CES5A: variants seen among roughly 807,000 people sequenced by gnomAD.
CES5A encodes the protein carboxylesterase 5.
Under a neutral mutation model 62.9 loss-of-function variants are expected in CES5A, and 67 were observed. The ratio of observed to expected loss-of-function variants is 1.07; its 90% confidence interval spans 0.88 to 1.31. The LOEUF (loss-of-function observed/expected upper bound fraction) is 1.31. CES5A is among the 50% of genes most tolerant of loss of function. The pLI is 0.00. For missense variants in CES5A, 748 were observed against 708.5 expected, an observed-to-expected ratio of 1.06 and a Z score of -0.63; for synonymous variants, 296 against 280.8, an observed-to-expected ratio of 1.05 and a Z score of -0.54.
chr16:55,897,800 A>C (rs1036957777), intron 1 of CES5A, among the ~76,000 whole-genome samples: 2 of 152,234 alleles, frequency 1.3e-5, no homozygotes, highest in Non-Finnish European at 2.9e-5. Context: ...ACTGGAGCCA[A>C]CTCAAATATC....
chr16:55,900,015 G>C (rs1448658154), intron 1 of CES5A, among the ~76,000 whole-genome samples: 2 of 152,258 alleles, frequency 1.3e-5, no homozygotes, highest in Admixed American at 1.3e-4. Context: ...ACAGATGGCA[G>C]CCACGTGGCC....
intron 1 of CES5A, chr16:55,925,251 T>C (rs776618307): frequency 1.3e-5 from 2 of 151,904 alleles, no homozygotes; most frequent in African/African-American, 2.4e-5. Flanking sequence ...AACAAGTATA[T>C]GAAAAACAAT....
chr16:55,856,500 A>G, intron 8 of CES5A, 55 bp from the exon 9 acceptor site: 5 of 1,547,456 alleles, frequency 3.2e-6, no homozygotes, highest in Non-Finnish European at 4.5e-6. Flanking sequence ...AGGTAAACCC[A>G]TCTCCCCAAG....
intron 9 of CES5A, among the ~76,000 whole-genome samples, chr16:55,855,487 G>C (rs1256504564): frequency 6.6e-6 from 1 of 152,182 alleles, no homozygotes. Flanking sequence ...CCTGATGCCT[G>C]GCTGGTGTGT....
rs373618678 is a variant in CES5A at position 55,866,122 on chromosome 16, G to C, written c.552-6C>G. On this transcript the variant is annotated splice_polypyrimidine_tract_variant and splice_region_variant and intron_variant, in intron 4 of 12. Coordinates refer to ENST00000290567, the MANE Select transcript of CES5A (RefSeq NM_001143685.2). ...GAGCATGCTGATCCCATGTGCTGAG[G>C]ACAAGAGGCAGGGTGAGAATTCTTG... 6.2e-7 allele frequency: 1 copy of C among 1,605,394 alleles called. No individual in the cohort carries two copies. The highest frequency in any genetic ancestry group is 1.7e-5 in the Admixed American group (1 of 58,972).
chr16:55,937,884 C>A (rs1178940868), intron 2 of CES5A, among the ~76,000 whole-genome samples: 1 of 152,172 alleles, frequency 6.6e-6, no homozygotes, highest in Non-Finnish European at 1.5e-5. Context: ...TCTTGACAAC[C>A]ATGCCAGGCA....
intron 1 of CES5A, among the ~76,000 whole-genome samples, chr16:55,885,890 G>T (rs976595342): frequency 6.6e-6 from 1 of 152,218 alleles, no homozygotes; most frequent in Admixed American, 6.5e-5. Context: ...CCAGCAACAA[G>T]ATGAGGCAAG....
chr16:55,898,054 G>T (rs1376400161), intron 1 of CES5A, among the ~76,000 whole-genome samples: 1 of 152,220 alleles, frequency 6.6e-6, no homozygotes, highest in Non-Finnish European at 1.5e-5. Context: ...TCAGAATAGT[G>T]CTTGCCCTGG....
intron 5 of CES5A, among the ~76,000 whole-genome samples, chr16:55,865,067 A>C (rs1159273085): frequency 6.6e-6 from 1 of 152,152 alleles, no homozygotes; most frequent in Non-Finnish European, 1.5e-5. Flanking sequence ...TTAGCTGGGC[A>C]TGGTGGCACA....
chr16:55,903,056 G>A (rs1050295004), intron 1 of CES5A, among the ~76,000 whole-genome samples: 10 of 152,082 alleles, frequency 6.6e-5, no homozygotes, highest in African/African-American at 4.8e-5. Context: ...CCTCTACTAG[G>A]CATCAGTCTG....
intron 1 of CES5A, among the ~76,000 whole-genome samples, chr16:55,915,920 A>C (rs942934147): frequency 5.9e-5 from 9 of 152,210 alleles, no homozygotes; most frequent in African/African-American, 2.4e-5. Flanking sequence ...TAACATCACT[A>C]TCCAATGGGT....
At chr16:55,926,281 A>G (rs1186177426), upstream of CES5A, among the ~76,000 whole-genome samples, 1 of 152,122 alleles carries the variant, frequency 6.6e-6, no homozygotes, top group Non-Finnish European at 1.5e-5. Flanking sequence ...GAATAGAAAA[A>G]AGGCAATAAA....
chr16:55,875,251 T>A lies in CES5A; in HGVS notation c.-30A>T, dbSNP rs7194945. ...CTGCCTGCCTGCACTCTGTGAACAT[T>A]GACGGCGGCTGCTGGCCTCAGAGAG... On this transcript the variant is annotated 5_prime_UTR_variant, in exon 1 of 13. Coordinates refer to ENST00000290567, the MANE Select transcript of CES5A (RefSeq NM_001143685.2). 1.9e-6 allele frequency: 3 copies of A among 1,604,156 alleles called. No homozygotes were observed. The East Asian group carries it at 6.7e-5, about 36-fold the overall frequency.
At chr16:55,906,053 C>T (rs1406168195) in intron 1 of CES5A, among the ~76,000 whole-genome samples, 1 of 152,206 alleles carries the variant, frequency 6.6e-6, no homozygotes, top group South Asian at 2.1e-4. Flanking sequence ...GAGAAAGTGA[C>T]AGACAGGATT....
At chr16:55,894,279 C>T (rs1452930867) in intron 1 of CES5A, among the ~76,000 whole-genome samples, 1 of 151,908 alleles carries the variant, frequency 6.6e-6, no homozygotes, top group Non-Finnish European at 1.5e-5. Flanking sequence ...GAGGCCAAGG[C>T]AGGCGGATCA....
At chr16:55,953,975 TA>T (rs1235775101) in intron 1 of CES5A, among the ~76,000 whole-genome samples, 1 of 152,184 alleles carries the variant, frequency 6.6e-6, no homozygotes, top group Non-Finnish European at 1.5e-5. Context: ...TATCAAATAC[TA>T]GCACAAATTC....
intron 3 of CES5A, 21 bp from the exon 4 acceptor site, chr16:55,869,765 T>C (rs1398710643): frequency 6.3e-7 from 1 of 1,588,144 alleles, no homozygotes; most frequent in East Asian, 2.3e-5. Flanking sequence ...GAGAAGAGCA[T>C]CCAGTCAGCC....
chr16:55,887,963 A>G (rs2033834435), intron 1 of CES5A, among the ~76,000 whole-genome samples: 1 of 152,180 alleles, frequency 6.6e-6, no homozygotes, highest in African/African-American at 2.4e-5. Context: ...TGGCAAGGTT[A>G]CAGGGCACTA....
chr16:55,924,699 C>G (rs1396824039), intron 1 of CES5A, among the ~76,000 whole-genome samples: 1 of 151,990 alleles, frequency 6.6e-6, no homozygotes, highest in African/African-American at 2.4e-5. Flanking sequence ...ACTAAATCAG[C>G]GTGCTACTGG....
Sources: gnomAD v4.1 joint callset for allele counts (sites outside exome capture counted in the v4.1 genomes callset) on GRCh38, gnomAD v4.1.1 for gene constraint, MANE v1.5 for transcripts, NCBI Gene and HGNC (gene_info 2026-07-23, HGNC 2026-07-21) for gene names.